Variants in EYS observed in about 807,000 individuals in gnomAD.
The protein encoded by EYS is protein eyes shut homolog.
Under a neutral mutation model 282.1 loss-of-function variants are expected in EYS, and 250 were observed. That is an observed-to-expected ratio of 0.89 (90% confidence interval 0.80 to 0.98). The LOEUF (loss-of-function observed/expected upper bound fraction) is 0.98. Ranked by LOEUF, EYS falls within the 50% of genes least tolerant of loss-of-function variation. The probability of loss-of-function intolerance (pLI) is 0.00; values close to 1 mark genes in which losing one functional copy is unlikely to be tolerated. For missense variants in EYS, 4,016 were observed against 3,709.0 expected, an observed-to-expected ratio of 1.08 and a Z score of -2.15; for synonymous variants, 1,355 against 1,282.9, an observed-to-expected ratio of 1.06 and a Z score of -1.20.
chr6:65,359,446 A>C (rs1166030225), intron 8 of EYS, among the ~76,000 whole-genome samples: 2 of 152,004 alleles, frequency 1.3e-5, no homozygotes, highest in South Asian at 2.1e-4. Flanking sequence ...TTTTAAAACA[A>C]CTTTAGATGC....
intron 26 of EYS, among the ~76,000 whole-genome samples, chr6:64,568,576 G>A (rs1765628268): frequency 6.6e-6 from 1 of 152,160 alleles, no homozygotes; most frequent in South Asian, 2.1e-4. Context: ...AAATGTTCCT[G>A]CCTGCTGACT....
At chr6:64,159,289 G>A (rs1330163924) in intron 31 of EYS, among the ~76,000 whole-genome samples, 2 of 151,998 alleles carry the variant, frequency 1.3e-5, no homozygotes, top group African/African-American at 2.4e-5. Context: ...GGTCAGGCGC[G>A]GTGGCTCACG....
intron 29 of EYS, among the ~76,000 whole-genome samples, chr6:64,341,364 TAA>T (rs1364278137): frequency 2.6e-5 from 4 of 151,880 alleles, no homozygotes; most frequent in Admixed American, 2.0e-4. Flanking sequence ...TACATGGCCA[TAA>T]AAAAGAATGA....
chr6:63,843,167 G>C (rs935772103), intron 36 of EYS, among the ~76,000 whole-genome samples: 1 of 152,114 alleles, frequency 6.6e-6, no homozygotes, highest in Non-Finnish European at 1.5e-5. Context: ...AGCTTGATAG[G>C]AATAGCATTG....
chr6:63,915,013 C>T (rs1315376542), intron 35 of EYS, among the ~76,000 whole-genome samples: 1 of 152,174 alleles, frequency 6.6e-6, no homozygotes, highest in African/African-American at 2.4e-5. Flanking sequence ...TTCAGAAAAT[C>T]TAGCTAATAT....
intron 35 of EYS, among the ~76,000 whole-genome samples, chr6:63,951,035 C>A (rs1765572134): frequency 6.6e-6 from 1 of 152,032 alleles, no homozygotes; most frequent in Admixed American, 6.5e-5. Context: ...TGATCCTTCA[C>A]CCTTAGTGTC....
At chr6:65,259,482 T>TA (rs1006589370) in intron 12 of EYS, among the ~76,000 whole-genome samples, 11 of 151,938 alleles carry the variant, frequency 7.2e-5, no homozygotes, top group East Asian at 3.9e-4. Context: ...TGAATAAATT[T>TA]AAAAAAAATG....
rs147715157 is a variant in EYS, at chr6:64,162,787, T to C, written c.6424+67805A>G. Among the ~76,000 whole-genome samples the C allele has an allele frequency of 7.3e-3, 1,106 of 152,294 alleles. 23 individuals are homozygous for C. The highest frequency in any genetic ancestry group is 0.024 in the African/African-American group (1,017 of 41,578). On this transcript the variant is annotated intron_variant, in intron 31 of 42. Transcript: ENST00000503581. ...CAAACATTTTAACATTTGTGATTGA[T>C]TTTTATATATCACAATAAAGATTAT... is the stretch of plus-strand genomic sequence containing the variant.
rs868834979 is a variant in EYS at position 64,390,771 on chromosome 6, G to A, written c.5928-1931C>T. Among the ~76,000 whole-genome samples the A allele has an allele frequency of 5.0e-3, 749 of 149,814 alleles. 2 individuals carry two copies. The highest frequency in any genetic ancestry group is 0.017 in the Middle Eastern group (5 of 292). The stretch of plus-strand genomic sequence containing the variant: ...CACCAGCAACGGAACAAAGCTGGAT[G>A]GAGAATGACTTTGACGAGCTGAGAG... On this transcript the variant is annotated intron_variant, in intron 28 of 42. Coordinates refer to ENST00000503581, the MANE Select transcript of EYS (RefSeq NM_001142800.2).
chr6:64,775,682 A>G (rs1466346897), intron 22 of EYS, among the ~76,000 whole-genome samples: 1 of 152,026 alleles, frequency 6.6e-6, no homozygotes, highest in Non-Finnish European at 1.5e-5. Flanking sequence ...AGTCAGGACC[A>G]CAGTATTTTT....
chr6:64,153,082 G>A (rs1406979496), intron 31 of EYS, among the ~76,000 whole-genome samples: 1 of 152,040 alleles, frequency 6.6e-6, no homozygotes, highest in Non-Finnish European at 1.5e-5. Context: ...GCTATGCCAG[G>A]TACCAATCTA....
chr6:64,141,948 C>T (rs1774350826), intron 31 of EYS, among the ~76,000 whole-genome samples: 1 of 152,110 alleles, frequency 6.6e-6, no homozygotes, highest in Non-Finnish European at 1.5e-5. Flanking sequence ...TGTCAAAAGC[C>T]AGAATGCATG....
chr6:64,873,884 T>C (rs1583246614), intron 19 of EYS, among the ~76,000 whole-genome samples: 1 of 152,040 alleles, frequency 6.6e-6, no homozygotes, highest in East Asian at 1.9e-4. Context: ...TGGCACATTT[T>C]TTTCTTTTTG....
chr6:64,605,651 C>G (rs1039350148), intron 24 of EYS, among the ~76,000 whole-genome samples: 10 of 151,720 alleles, frequency 6.6e-5, no homozygotes, highest in Non-Finnish European at 1.3e-4. Context: ...TTATGACTCA[C>G]CAGTCCTAGA....
chr6:64,308,731 G>A (rs904211749), intron 29 of EYS, among the ~76,000 whole-genome samples: 1 of 151,922 alleles, frequency 6.6e-6, no homozygotes, highest in African/African-American at 2.4e-5. Flanking sequence ...TAGAACCTTT[G>A]AAAGTTTGCT....
intron 28 of EYS, among the ~76,000 whole-genome samples, chr6:64,430,948 G>T (rs4631252): frequency 0.24 from 36,644 of 152,010 alleles, 4,955 homozygotes; most frequent in East Asian, 0.39. Flanking sequence ...TCAGAGAGTA[G>T]AAAAGCCACA....
At chr6:64,759,582 G>T (rs1773092236) in intron 22 of EYS, among the ~76,000 whole-genome samples, 1 of 152,058 alleles carries the variant, frequency 6.6e-6, no homozygotes, top group African/African-American at 2.4e-5. Flanking sequence ...TACAGTAAGT[G>T]CAGAATTAAC....
At chr6:65,058,011 G>A (rs1196959236) in intron 12 of EYS, among the ~76,000 whole-genome samples, 3 of 152,118 alleles carry the variant, frequency 2.0e-5, no homozygotes, top group African/African-American at 7.2e-5. Flanking sequence ...TTGCTAGAGA[G>A]TCTAGAGATG....
chr6:64,462,590 T>A (rs1231997733), intron 26 of EYS, among the ~76,000 whole-genome samples: 5 of 152,156 alleles, frequency 3.3e-5, no homozygotes. Flanking sequence ...CTTTTGTGGA[T>A]GCTGTGCTAT....
Sources: allele counts gnomAD v4.1 joint callset (sites outside exome capture counted in the v4.1 genomes callset), GRCh38; gene constraint gnomAD v4.1.1; transcripts MANE v1.5; gene names NCBI Gene and HGNC (gene_info 2026-07-23, HGNC 2026-07-21).